SIDT1: variants seen among roughly 807,000 people sequenced by gnomAD.
SIDT1 encodes the protein SID1 transmembrane family member 1.
A neutral mutation model predicts 107.5 loss-of-function variants in SIDT1; 101 were observed. That is an observed-to-expected ratio of 0.94 (90% CI 0.80 to 1.11). The LOEUF is 1.11. Among genes scored for constraint, SIDT1 ranks in the 50% least tolerant of loss-of-function variants. The pLI, the probability that SIDT1 is intolerant of heterozygous loss-of-function variation, is 0.00. For missense variants in SIDT1, 1,076 were observed against 1,058.2 expected (o/e 1.02, Z -0.23); for synonymous variants, 395 against 398.2 (o/e 0.99, Z 0.10).
rs55802002 is a variant in SIDT1 at position 113,566,338 on chromosome 3, TTGTGTG to T, written c.223-60_223-55del. ...CTATGGTGTGTGTGTTTGTGTGTGT[TTGTGTG>T]TGTGTGTGTGTGTGTGTGTGTTTGC... is the stretch of plus-strand genomic sequence containing the variant. On this transcript the variant is annotated intron_variant, in intron 1 of 24. Coordinates refer to ENST00000264852, the MANE Select transcript of SIDT1 (RefSeq NM_017699.3). The T allele has an allele frequency of 1.3e-3, 1,473 of 1,097,248 alleles. 3 individuals carry two copies. The highest frequency in any genetic ancestry group is 3.9e-3 in the East Asian group (151 of 38,626). The allele number at this position is 1,097,248 out of a possible 1,614,324, so 68.0% of individuals were successfully genotyped here.
intron 3 of SIDT1, among the ~76,000 whole-genome samples, chr3:113,568,631 A>AAAAG (rs1560049080): frequency 3.6e-5 from 5 of 140,698 alleles, no homozygotes; most frequent in African/African-American, 7.6e-5. Context: ...GAAAAGAAAA[A>AAAAG]AAACAGAAAT....
intron 23 of SIDT1, 152 bp from the exon 24 acceptor site, chr3:113,625,950 G>C (rs375066004): frequency 4.7e-6 from 3 of 644,232 alleles, no homozygotes; most frequent in Middle Eastern, 2.6e-4. Flanking sequence ...TGAGGTCTTT[G>C]TGTACAGGTT....
At chr3:113,576,552 C>T (rs1226874441) in intron 3 of SIDT1, among the ~76,000 whole-genome samples, 1 of 152,158 alleles carries the variant, frequency 6.6e-6, no homozygotes, top group African/African-American at 2.4e-5. Context: ...TGGGTTTCCC[C>T]TCTCTTTCAG....
intron 3 of SIDT1, among the ~76,000 whole-genome samples, chr3:113,575,977 T>C (rs1942868608): frequency 1.3e-5 from 2 of 152,210 alleles, no homozygotes; most frequent in Non-Finnish European, 2.9e-5. Flanking sequence ...CTGAGACTGC[T>C]GTGGACTTGT....
At chr3:113,622,145 AT>A (rs1946498259) in intron 21 of SIDT1, among the ~76,000 whole-genome samples, 1 of 152,120 alleles carries the variant, frequency 6.6e-6, no homozygotes, top group African/African-American at 2.4e-5. Context: ...ATTTTAAAAA[AT>A]ATATATGTGG....
At chr3:113,544,468 G>A (rs1447178435) in intron 1 of SIDT1, among the ~76,000 whole-genome samples, 1 of 152,160 alleles carries the variant, frequency 6.6e-6, no homozygotes, top group African/African-American at 2.4e-5. Flanking sequence ...GGGATTACAG[G>A]TGTGAGCTAC....
chr3:113,579,002 ATCC>A (rs1943129337), intron 4 of SIDT1, among the ~76,000 whole-genome samples: 1 of 152,336 alleles, frequency 6.6e-6, no homozygotes, highest in East Asian at 1.9e-4. Context: ...TATATTTTGT[ATCC>A]TCTTTGATTA....
intron 4 of SIDT1, among the ~76,000 whole-genome samples, chr3:113,577,353 G>A (rs556177821): frequency 7.8e-4 from 118 of 152,236 alleles, no homozygotes; most frequent in African/African-American, 2.6e-3. Context: ...AGTGGTAGTG[G>A]GGATAGGTAG....
chr3:113,594,838 C>T (rs1262440297), intron 10 of SIDT1: 1 of 154,252 alleles, frequency 6.5e-6, no homozygotes, highest in East Asian at 1.9e-4. Flanking sequence ...GGAAGTAGAG[C>T]CAAAAGATGT....
chr3:113,626,176 G>T lies in SIDT1; in HGVS notation c.2382G>T (p.Trp794Cys). 6.2e-7 allele frequency: 1 copy of T among 1,613,942 alleles called. No individual in the cohort carries two copies. Residue 794 changes from tryptophan (W) to cysteine (C), a missense_variant, in exon 24 of 25, where the codon TGG becomes TGT. Coordinates refer to ENST00000264852, the MANE Select transcript of SIDT1 (RefSeq NM_017699.3). ...ATTTCTTCGATGACCATGACATCTGGCACTTCCTCTCTGCTACTGCTCTGT... is the reference window on the plus strand; with the variant it reads ...ATTTCTTCGATGACCATGACATCTGTCACTTCCTCTCTGCTACTGCTCTGT... The part of the protein sequence containing the change: ...LLDFFDDHDI[W>C]HFLSATALFF...
rs1327998363 is a variant in SIDT1, at chr3:113,594,220, A to G, written c.1045+1172A>G. 2.0e-5 allele frequency among the ~76,000 whole-genome samples: 3 copies of G among 152,172 alleles called. No individual in the cohort carries two copies. The East Asian group carries it at 5.8e-4, about 29-fold the overall frequency. ...TTTAATGTTTGTCTTCCTTAATGTC[A>G]GCATGCCTGTTTTTCCAGCCACCCA... On this transcript the variant is annotated intron_variant, in intron 10 of 24. Transcript: ENST00000264852.
At chr3:113,620,171 T>C (rs1946368476) in intron 21 of SIDT1, among the ~76,000 whole-genome samples, 1 of 151,652 alleles carries the variant, frequency 6.6e-6, no homozygotes, top group South Asian at 2.1e-4. Context: ...TTCTTTTCTG[T>C]AGAAATTTTT....
rs1196621248 is a variant in SIDT1 at position 113,608,409 on chromosome 3, C to A, written c.1603-10C>A. The stretch of plus-strand genomic sequence containing the variant: ...TTAGTATCTATTGACCACCCTTTCT[C>A]CTTTTTCAGGAGTACGGGATTCCCA... On this transcript the variant is annotated splice_polypyrimidine_tract_variant and intron_variant, in intron 16 of 24. Transcript: ENST00000264852. 6.2e-7 allele frequency: 1 copy of A among 1,601,822 alleles called. No individual in the cohort carries two copies. Among genetic ancestry groups the A allele is most frequent in the East Asian group, 2.2e-5 (1 of 44,836 alleles).
chr3:113,576,919 C>T lies in SIDT1; in HGVS notation c.516-3C>T. Reference sequence around the variant, plus strand: ...TTTCCCTTCTGCCACTTACGTTTCTCAGGACAAATGTTGCCTTTCACTTTA... The same window carrying T: ...TTTCCCTTCTGCCACTTACGTTTCTTAGGACAAATGTTGCCTTTCACTTTA... On this transcript the variant is annotated splice_polypyrimidine_tract_variant and splice_region_variant and intron_variant, in intron 3 of 24. Coordinates refer to ENST00000264852, the MANE Select transcript of SIDT1 (RefSeq NM_017699.3). 6.2e-7 allele frequency: 1 copy of T among 1,614,104 alleles called. No homozygotes were observed. The highest frequency in any genetic ancestry group is 2.2e-5 in the East Asian group (1 of 44,880).
chr3:113,614,426 C>A (rs1945963741), intron 19 of SIDT1, among the ~76,000 whole-genome samples: 1 of 152,178 alleles, frequency 6.6e-6, no homozygotes, highest in African/African-American at 2.4e-5. Flanking sequence ...CCCATGGAGT[C>A]TTCCCCAGGT....
intron 1 of SIDT1, among the ~76,000 whole-genome samples, chr3:113,547,907 C>T (rs1279943239): frequency 6.6e-6 from 1 of 151,950 alleles, no homozygotes; most frequent in African/African-American, 2.4e-5. Flanking sequence ...TGAGGATCAC[C>T]TATGTTTTGG....
chr3:113,610,353 T>C (rs1221596814), intron 17 of SIDT1, among the ~76,000 whole-genome samples: 1 of 152,210 alleles, frequency 6.6e-6, no homozygotes, highest in Non-Finnish European at 1.5e-5. Context: ...CCATTCCCAA[T>C]AGCTGTGTGA....
chr3:113,617,719 G>A (rs995094634), intron 20 of SIDT1, among the ~76,000 whole-genome samples: 2 of 152,132 alleles, frequency 1.3e-5, no homozygotes, highest in Non-Finnish European at 2.9e-5. Context: ...TAATGTTTTC[G>A]TTTTTTACAT....
chr3:113,576,841 T>C, intron 3 of SIDT1, 81 bp from the exon 4 acceptor site: 1 of 1,455,402 alleles, frequency 6.9e-7, no homozygotes, highest in Non-Finnish European at 9.6e-7. Context: ...ATGGCTTTCT[T>C]TTAAATAAAT....
Sources: allele counts gnomAD v4.1 joint callset (sites outside exome capture counted in the v4.1 genomes callset), GRCh38; gene constraint gnomAD v4.1.1; transcripts MANE v1.5; gene names NCBI Gene and HGNC (gene_info 2026-07-23, HGNC 2026-07-21).